TBL1X: variants seen among roughly 807,000 people sequenced by gnomAD.
The protein encoded by TBL1X is F-box-like/WD repeat-containing protein TBL1X.
In TBL1X, 10 loss-of-function variants were observed where a neutral mutation model predicts 50.7. The ratio of observed to expected loss-of-function variants is 0.20; its 90% CI spans 0.12 to 0.33. The LOEUF is 0.33. Among genes scored for constraint, TBL1X ranks in the 10% least tolerant of loss-of-function variants. The pLI is 1.00. For missense variants in TBL1X, 340 were observed against 504.4 expected, an observed-to-expected ratio of 0.67 and a Z score of 3.12; for synonymous variants, 190 against 214.7, an observed-to-expected ratio of 0.88 and a Z score of 1.01.
At chrX:9,622,443 T>C (rs1358184780) in intron 2 of TBL1X, among the ~76,000 whole-genome samples, 1 of 111,225 alleles carries the variant, frequency 9.0e-6, no homozygotes, top group East Asian at 2.8e-4. Flanking sequence ...CACACACCTG[T>C]GTCAGAATTT....
intron 2 of TBL1X, among the ~76,000 whole-genome samples, chrX:9,507,473 T>C (rs190123907): frequency 2.7e-3 from 300 of 112,207 alleles, no homozygotes; most frequent in African/African-American, 8.2e-3. Flanking sequence ...CATTCCATGC[T>C]CATGGATAGG....
At chrX:9,557,834 T>G (rs1449505607) in intron 2 of TBL1X, among the ~76,000 whole-genome samples, 1 of 112,018 alleles carries the variant, frequency 8.9e-6, no homozygotes, top group Admixed American at 9.4e-5. Flanking sequence ...TTAATGGGCG[T>G]GGAGAACCCG....
intron 2 of TBL1X, among the ~76,000 whole-genome samples, chrX:9,532,032 G>A (rs1202200600): frequency 9.0e-6 from 1 of 111,720 alleles, no homozygotes. Context: ...CACCACACTG[G>A]GGCGCAAGAG....
At chrX:9,490,830 A>G (rs2081937382) in intron 1 of TBL1X, among the ~76,000 whole-genome samples, 1 of 111,973 alleles carries the variant, frequency 8.9e-6, no homozygotes, top group Non-Finnish European at 1.9e-5. Context: ...AGCTTAATAA[A>G]TGGACCGTTT....
At chrX:9,677,354 A>T (rs2083000532) in intron 5 of TBL1X, among the ~76,000 whole-genome samples, 1 of 110,121 alleles carries the variant, frequency 9.1e-6, no homozygotes, top group African/African-American at 3.3e-5. Context: ...TAATGACTGT[A>T]TTGTAAAACC....
At chrX:9,589,907 A>G (rs1374781686) in intron 2 of TBL1X, among the ~76,000 whole-genome samples, 2 of 111,854 alleles carry the variant, frequency 1.8e-5, no homozygotes, top group Non-Finnish European at 3.8e-5. Context: ...CATCATCATC[A>G]TCACGATGAG....
At chrX:9,533,246 C>G (rs184340899) in intron 2 of TBL1X, among the ~76,000 whole-genome samples, 4 of 111,427 alleles carry the variant, frequency 3.6e-5, no homozygotes, top group Non-Finnish European at 5.7e-5. Flanking sequence ...CATAGACGAG[C>G]GCGAACTCCT....
At chrX:9,608,836 G>C (rs2082597267) in intron 2 of TBL1X, among the ~76,000 whole-genome samples, 1 of 112,183 alleles carries the variant, frequency 8.9e-6, no homozygotes, top group Non-Finnish European at 1.9e-5. Flanking sequence ...GCTGAGGTGG[G>C]AGATCCCAGG....
intron 3 of TBL1X, among the ~76,000 whole-genome samples, chrX:9,641,371 T>C (rs1252307561): frequency 8.9e-6 from 1 of 111,862 alleles, no homozygotes; most frequent in East Asian, 2.8e-4. Flanking sequence ...TACGTGTGAT[T>C]TTAATTTCAC....
rs143888196 is a variant in TBL1X at position 9,703,488 on chromosome X, G to A, written c.1115-1505G>A. Among the ~76,000 whole-genome samples the A allele has an allele frequency of 8.6e-3, 963 of 111,554 alleles. 10 individuals carry two copies. Among genetic ancestry groups the A allele is most frequent in the African/African-American group, 0.03 (917 of 30,683 alleles). On this transcript the variant is annotated intron_variant, in intron 12 of 17. Transcript: ENST00000645353. ...AAGAGACCGGAGACCTGAGCACAGC[G>A]CCCTTCCTGGCCCCTAGGAAGGCGG... is the stretch of plus-strand genomic sequence containing the variant.
intron 12 of TBL1X, among the ~76,000 whole-genome samples, chrX:9,701,099 GATAAA>G (rs1285843985): frequency 1.8e-5 from 2 of 110,743 alleles, no homozygotes; most frequent in Non-Finnish European, 3.8e-5. Context: ...CTACCCATGT[GATAAA>G]ATGACAGCAC....
chrX:9,672,310 C>G (rs763060931), intron 5 of TBL1X, among the ~76,000 whole-genome samples: 1 of 112,255 alleles, frequency 8.9e-6, no homozygotes, highest in South Asian at 3.7e-4. Context: ...CCGTTACATT[C>G]AAGACTTGCC....
At chrX:9,668,296 T>C (rs1194657818) in intron 5 of TBL1X, among the ~76,000 whole-genome samples, 2 of 110,266 alleles carry the variant, frequency 1.8e-5, no homozygotes, top group Non-Finnish European at 3.8e-5. Flanking sequence ...GCAGTTGTTA[T>C]ATTCAGCTAT....
chrX:9,677,805 T>C (rs2083003362), intron 5 of TBL1X, among the ~76,000 whole-genome samples: 1 of 112,088 alleles, frequency 8.9e-6, no homozygotes, highest in African/African-American at 3.2e-5. Context: ...TCAGGTTTTG[T>C]TGGCACTGTA....
intron 2 of TBL1X, among the ~76,000 whole-genome samples, chrX:9,545,768 CAT>C (rs1389481329): frequency 9.0e-6 from 1 of 110,920 alleles, no homozygotes; most frequent in African/African-American, 3.3e-5. Flanking sequence ...CATAATTAAA[CAT>C]ATGATGGTTT....
At position 9,711,666 on chromosome X, in the gene TBL1X, C is replaced by T. The variant is rs763531129; in HGVS notation, c.1495C>T (p.His499Tyr). 1 of 1,210,252 alleles carries T rather than the reference C, an allele frequency of 8.3e-7. No individual in the cohort carries two copies. Among genetic ancestry groups the T allele is most frequent in the Non-Finnish European group, 1.1e-6 (1 of 894,409 alleles). ...GGACATAGAACGAGGCGTCTGCACC[C>T]ACACGCTCACGAAGCATCAGGAGCC... ...LWDIERGVCT[H>Y]TLTKHQEPVY... Residue 499 changes from histidine to tyrosine, a missense_variant, in exon 16 of 18, where the codon CAC becomes TAC. His to Tyr is a moderately conservative substitution (Grantham distance 83, BLOSUM62 2). Around this residue, in one of 6 missense-constraint regions of TBL1X, gnomAD observed 170 missense variants for 272.6 expected, o/e 0.62. Transcript: ENST00000645353.
chrX:9,582,303 T>C (rs1430818029), intron 2 of TBL1X, among the ~76,000 whole-genome samples: 4 of 112,296 alleles, frequency 3.6e-5, no homozygotes, highest in Admixed American at 1.9e-4. Context: ...ATTAGATCTT[T>C]ATAAGCAGCA....
chrX:9,590,991 G>C (rs182800491), intron 2 of TBL1X, among the ~76,000 whole-genome samples: 1 of 99,205 alleles, frequency 1.0e-5, no homozygotes, highest in African/African-American at 3.6e-5. Flanking sequence ...GTATGTGTGG[G>C]GGGGATAGTT....
chrX:9,615,161 A>G (rs888846189), intron 2 of TBL1X, among the ~76,000 whole-genome samples: 1 of 111,895 alleles, frequency 8.9e-6, no homozygotes, highest in Non-Finnish European at 1.9e-5. Context: ...CCTGTGTTAT[A>G]TGACATCGGT....
Sources: gnomAD v4.1 joint callset for allele counts (sites outside exome capture counted in the v4.1 genomes callset) on GRCh38, gnomAD v4.1.1 for gene constraint, gnomAD v4.1.1 regional missense constraint, MANE v1.5 for transcripts, NCBI Gene and HGNC (gene_info 2026-07-23, HGNC 2026-07-21) for gene names.